CNTNAP2: variants seen among roughly 807,000 people sequenced by gnomAD.
CNTNAP2 encodes contactin-associated protein-like 2.
A neutral mutation model predicts 155.2 loss-of-function variants in CNTNAP2; 98 were observed. The ratio of observed to expected loss-of-function variants is 0.63; its 90% CI spans 0.54 to 0.75. The LOEUF is 0.75. Ranked by LOEUF, CNTNAP2 falls within the 30% of genes least tolerant of loss-of-function variation. The probability of loss-of-function intolerance (pLI) is 0.00; values close to 1 mark genes in which losing one functional copy is unlikely to be tolerated. For missense variants in CNTNAP2, 1,727 were observed against 1,688.1 expected (o/e 1.02, Z -0.40); for synonymous variants, 651 against 631.2 (o/e 1.03, Z -0.47).
intron 14 of CNTNAP2, among the ~76,000 whole-genome samples, chr7:147,972,187 C>G (rs1801344828): frequency 6.6e-6 from 1 of 152,110 alleles, no homozygotes; most frequent in South Asian, 2.1e-4. Flanking sequence ...ACTTTGACTT[C>G]CTGAATTCTG....
chr7:146,517,859 T>C (rs1033387064), intron 1 of CNTNAP2, among the ~76,000 whole-genome samples: 2 of 151,878 alleles, frequency 1.3e-5, no homozygotes, highest in African/African-American at 2.4e-5. Context: ...TTTGATACTA[T>C]TTAGCAGCTG....
rs545356255 is a variant in CNTNAP2 at position 147,429,359 on chromosome 7, T to C, written c.1670+33579T>C. Among the ~76,000 whole-genome samples, 4 of 152,266 alleles carry C rather than the reference T, an allele frequency of 2.6e-5. No individual in the cohort carries two copies. In the South Asian group the frequency reaches 8.3e-4, roughly 32 times the overall value. Reference sequence around the variant, plus strand: ...GTGATATTGAGCAAGTTTTCATATATTTGTTGGCCATTTGTATATCTTCTT... The same window carrying C: ...GTGATATTGAGCAAGTTTTCATATACTTGTTGGCCATTTGTATATCTTCTT... On this transcript the variant is annotated intron_variant, in intron 10 of 23. Coordinates refer to ENST00000361727, the MANE Select transcript of CNTNAP2 (RefSeq NM_014141.6).
intron 8 of CNTNAP2, among the ~76,000 whole-genome samples, chr7:147,241,316 T>C (rs1803932390): frequency 6.6e-6 from 1 of 152,182 alleles, no homozygotes; most frequent in African/African-American, 2.4e-5. Flanking sequence ...AAGCTCTAAT[T>C]GTTTCTCCTT....
intron 3 of CNTNAP2, among the ~76,000 whole-genome samples, chr7:147,021,739 G>A (rs1051993895): frequency 2.6e-5 from 4 of 152,040 alleles, no homozygotes; most frequent in Admixed American, 6.5e-5. Context: ...ACCTCCTTGT[G>A]GTTTTTGTTA....
In CNTNAP2 at chr7:147,850,461, C is replaced by T. The variant is rs551911542; in HGVS notation, c.2099-53104C>T. ...CAAAAAAGAGCCCGCATTGCCAAGA[C>T]AATCCTAAGCCAAAAGAACAAAGCT... On this transcript the variant is annotated intron_variant, in intron 13 of 23. Coordinates refer to ENST00000361727, the MANE Select transcript of CNTNAP2 (RefSeq NM_014141.6). Among the ~76,000 whole-genome samples, 242 of 152,304 alleles carry T rather than the reference C, an allele frequency of 1.6e-3. 1 individual carries two copies. The highest frequency in any genetic ancestry group is 5.6e-3 in the African/African-American group (231 of 41,554).
At chr7:147,589,930 T>C (rs1800706210) in intron 12 of CNTNAP2, among the ~76,000 whole-genome samples, 1 of 152,188 alleles carries the variant, frequency 6.6e-6, no homozygotes, top group African/African-American at 2.4e-5. Flanking sequence ...CTGTAGATTG[T>C]ATCTATCTGG....
intron 13 of CNTNAP2, among the ~76,000 whole-genome samples, chr7:147,806,987 C>T (rs531233260): frequency 7.2e-5 from 11 of 152,130 alleles, no homozygotes; most frequent in Admixed American, 3.9e-4. Context: ...TTCAAAATAA[C>T]TTGAAGAGTG....
At chr7:148,107,600 CA>C (rs113542738) in intron 15 of CNTNAP2, among the ~76,000 whole-genome samples, 3 of 152,118 alleles carry the variant, frequency 2.0e-5, no homozygotes, top group Admixed American at 2.0e-4. Context: ...CCTGAATGTA[CA>C]AAAAAGGTTT....
At chr7:146,650,828 A>T (rs1799898458) in intron 1 of CNTNAP2, among the ~76,000 whole-genome samples, 1 of 152,146 alleles carries the variant, frequency 6.6e-6, no homozygotes, top group South Asian at 2.1e-4. Context: ...TAGCTTTACA[A>T]AGTATAGGAG....
intron 13 of CNTNAP2, among the ~76,000 whole-genome samples, chr7:147,896,857 C>T (rs556015785): frequency 1.7e-4 from 26 of 152,158 alleles, no homozygotes; most frequent in African/African-American, 5.8e-4. Flanking sequence ...TATTATCATC[C>T]TTGTTTTAAA....
chr7:147,393,970 G>A (rs570684346), intron 9 of CNTNAP2, among the ~76,000 whole-genome samples: 5 of 151,996 alleles, frequency 3.3e-5, no homozygotes, highest in African/African-American at 1.2e-4. Context: ...ACTATCCTTG[G>A]TCAAAAAGAA....
At chr7:147,938,863 G>A (rs1800664223) in intron 14 of CNTNAP2, among the ~76,000 whole-genome samples, 2 of 152,112 alleles carry the variant, frequency 1.3e-5, no homozygotes, top group Admixed American at 1.3e-4. Flanking sequence ...GTGAGATCTT[G>A]ACTGATCCCA....
intron 1 of CNTNAP2, among the ~76,000 whole-genome samples, chr7:146,523,885 A>G (rs1317505321): frequency 6.6e-6 from 1 of 152,140 alleles, no homozygotes; most frequent in East Asian, 1.9e-4. Context: ...TAATAGAAAT[A>G]TAGTACTTTG....
chr7:146,174,147 A>G (rs1798435083), intron 1 of CNTNAP2, among the ~76,000 whole-genome samples: 1 of 151,930 alleles, frequency 6.6e-6, no homozygotes, highest in South Asian at 2.1e-4. Context: ...GGACGCAGTG[A>G]GCTATAATCC....
chr7:147,566,911 G>A (rs1266044875), intron 12 of CNTNAP2, among the ~76,000 whole-genome samples: 5 of 152,118 alleles, frequency 3.3e-5, no homozygotes, highest in African/African-American at 1.2e-4. Flanking sequence ...GCATTTGGGG[G>A]GCAAACAGAT....
At chr7:146,748,102 G>C (rs1801839129) in intron 1 of CNTNAP2, among the ~76,000 whole-genome samples, 1 of 144,900 alleles carries the variant, frequency 6.9e-6, no homozygotes, top group African/African-American at 2.6e-5. Flanking sequence ...GAGTAAAGTA[G>C]TTTGTCCAGA....
intron 1 of CNTNAP2, among the ~76,000 whole-genome samples, chr7:146,570,312 A>G (rs1798422383): frequency 6.6e-6 from 1 of 152,182 alleles, no homozygotes; most frequent in South Asian, 2.1e-4. Context: ...AGAACAGAAT[A>G]CAGTGAGTAG....
At chr7:148,210,942 T>C (rs777118994) in intron 18 of CNTNAP2, among the ~76,000 whole-genome samples, 1 of 152,256 alleles carries the variant, frequency 6.6e-6, no homozygotes, top group Non-Finnish European at 1.5e-5. Flanking sequence ...TGTTTCAGCA[T>C]TGCAGTATCT....
intron 11 of CNTNAP2, among the ~76,000 whole-genome samples, chr7:147,488,296 T>C (rs906186180): frequency 6.6e-6 from 1 of 152,224 alleles, no homozygotes; most frequent in Non-Finnish European, 1.5e-5. Context: ...CAGTTTCTGA[T>C]GTGTCTGACG....
Sources: allele counts gnomAD v4.1 joint callset (sites outside exome capture counted in the v4.1 genomes callset), GRCh38; gene constraint gnomAD v4.1.1; transcripts MANE v1.5; gene names NCBI Gene and HGNC (gene_info 2026-07-23, HGNC 2026-07-21).